Variants in GABRG3 observed in about 807,000 individuals in gnomAD.
The protein encoded by GABRG3 is gamma-aminobutyric acid receptor subunit gamma-3.
A neutral mutation model predicts 48.8 loss-of-function variants in GABRG3; 25 were observed. The observed-to-expected ratio is 0.51, with a 90% CI of 0.37 to 0.72. GABRG3 has a LOEUF of 0.72. Among genes scored for constraint, GABRG3 ranks in the 30% least tolerant of loss-of-function variants. The pLI is 0.00. For synonymous variants in GABRG3, 227 were observed against 217.6 expected, an observed-to-expected ratio of 1.04 and a Z score of -0.38; for missense variants, 394 against 577.9, an observed-to-expected ratio of 0.68 and a Z score of 3.26.
chr15:26,981,549 G>C (rs938348906), intron 2 of GABRG3, among the ~76,000 whole-genome samples: 2 of 152,126 alleles, frequency 1.3e-5, no homozygotes, highest in Non-Finnish European at 2.9e-5. Flanking sequence ...TTTCTGTCTA[G>C]TTTTCTATTG....
intron 5 of GABRG3, among the ~76,000 whole-genome samples, chr15:27,394,045 A>G (rs933451245): frequency 5.9e-5 from 9 of 152,194 alleles, no homozygotes; most frequent in South Asian, 2.1e-4. Context: ...TATTCTGCCA[A>G]TCTGTGCCTT....
intron 3 of GABRG3, among the ~76,000 whole-genome samples, chr15:27,318,922 G>A (rs1893325962): frequency 6.6e-6 from 1 of 152,144 alleles, no homozygotes; most frequent in African/African-American, 2.4e-5. Context: ...GTTGGTCAGT[G>A]GTCCAGACTT....
chr15:27,011,159 T>C (rs761186828), intron 2 of GABRG3, among the ~76,000 whole-genome samples: 9 of 152,120 alleles, frequency 5.9e-5, no homozygotes, highest in Non-Finnish European at 1.5e-5. Context: ...GAGCCACTGT[T>C]CCCGGGCAAA....
intron 3 of GABRG3, among the ~76,000 whole-genome samples, chr15:27,264,393 C>T (rs1890856063): frequency 1.3e-5 from 2 of 152,064 alleles, no homozygotes; most frequent in Admixed American, 1.3e-4. Flanking sequence ...ATTAGTTTAT[C>T]CCCTTATAAA....
At chr15:27,434,459 T>C (rs2140626085) in intron 5 of GABRG3, among the ~76,000 whole-genome samples, 1 of 152,288 alleles carries the variant, frequency 6.6e-6, no homozygotes, top group Admixed American at 6.5e-5. Context: ...TAGTATGTAG[T>C]GAACAGTGAA....
chr15:27,045,907 T>C (rs1023894818), intron 3 of GABRG3, among the ~76,000 whole-genome samples: 3 of 152,126 alleles, frequency 2.0e-5, no homozygotes, highest in African/African-American at 7.2e-5. Flanking sequence ...TCTAAATGCA[T>C]GGAGAAACAC....
intron 3 of GABRG3, among the ~76,000 whole-genome samples, chr15:27,195,617 G>A (rs1248668104): frequency 6.6e-6 from 1 of 151,810 alleles, no homozygotes; most frequent in East Asian, 1.9e-4. Context: ...ACCATGCCTG[G>A]CCATGTTTTT....
chr15:27,297,380 C>G (rs1039838189), intron 3 of GABRG3, among the ~76,000 whole-genome samples: 2 of 152,202 alleles, frequency 1.3e-5, no homozygotes, highest in Admixed American at 6.5e-5. Context: ...CATTCATTCA[C>G]TGACTCACCC....
At chr15:27,063,440 A>G (rs1362219412) in intron 3 of GABRG3, among the ~76,000 whole-genome samples, 2 of 152,188 alleles carry the variant, frequency 1.3e-5, no homozygotes, top group Non-Finnish European at 2.9e-5. Flanking sequence ...GGCTTGGGCC[A>G]TCCCCTTGCT....
intron 3 of GABRG3, among the ~76,000 whole-genome samples, chr15:27,210,839 A>G (rs557088669): frequency 6.6e-6 from 1 of 152,322 alleles, no homozygotes; most frequent in African/African-American, 2.4e-5. Flanking sequence ...TTTGCTTGAC[A>G]AGAGTTGTTA....
chr15:27,151,186 G>A (rs752644650), intron 3 of GABRG3, among the ~76,000 whole-genome samples: 3 of 152,064 alleles, frequency 2.0e-5, no homozygotes, highest in Non-Finnish European at 4.4e-5. Flanking sequence ...GATAGATCCT[G>A]TTCACTGCAG....
At chr15:27,056,178 A>G (rs1896542048) in intron 3 of GABRG3, among the ~76,000 whole-genome samples, 1 of 151,708 alleles carries the variant, frequency 6.6e-6, no homozygotes, top group Non-Finnish European at 1.5e-5. Flanking sequence ...GAGAAAACCC[A>G]TGTCTACAAA....
rs1897808637 is a variant in GABRG3 at position 27,125,729 on chromosome 15, G to A, written c.270+98908G>A. On this transcript the variant is annotated intron_variant, in intron 3 of 9. Coordinates refer to ENST00000615808, the MANE Select transcript of GABRG3 (RefSeq NM_033223.5). Reference sequence around the variant, plus strand: ...TTAGTATTCTTTGCGGGAGCGCTGTGTCCCTGAAAGGAAGAGTATCTCTCA... The same window carrying A: ...TTAGTATTCTTTGCGGGAGCGCTGTATCCCTGAAAGGAAGAGTATCTCTCA... Among the ~76,000 whole-genome samples the A allele has an allele frequency of 2.0e-5, 3 of 152,228 alleles. No homozygotes were observed. The South Asian group carries it at 6.2e-4, about 32-fold the overall frequency.
At chr15:27,183,902 C>CT (rs1291757860) in intron 3 of GABRG3, among the ~76,000 whole-genome samples, 22 of 152,354 alleles carry the variant, frequency 1.4e-4, no homozygotes, top group Admixed American at 1.3e-3. Flanking sequence ...CATCACCTCA[C>CT]ATTTATTCAT....
At chr15:27,224,769 G>C (rs138141457) in intron 3 of GABRG3, among the ~76,000 whole-genome samples, 38 of 152,360 alleles carry the variant, frequency 2.5e-4, no homozygotes, top group African/African-American at 9.1e-4. Context: ...CTTGCATGCT[G>C]TGCATATAGG....
chr15:27,174,111 G>A (rs570007963), intron 3 of GABRG3, among the ~76,000 whole-genome samples: 1 of 151,966 alleles, frequency 6.6e-6, no homozygotes, highest in South Asian at 2.1e-4. Flanking sequence ...AAAACGAATG[G>A]CAATGTTATT....
At chr15:27,139,656 G>A (rs1276266705) in intron 3 of GABRG3, among the ~76,000 whole-genome samples, 1 of 152,070 alleles carries the variant, frequency 6.6e-6, no homozygotes, top group Non-Finnish European at 1.5e-5. Flanking sequence ...AACATTATTT[G>A]TGATACTATA....
intron 2 of GABRG3, among the ~76,000 whole-genome samples, chr15:27,004,440 C>T (rs1370609620): frequency 2.6e-5 from 4 of 151,660 alleles, no homozygotes; most frequent in African/African-American, 9.7e-5. Flanking sequence ...GGCGGCCGGG[C>T]AGAGACGCTC....
intron 6 of GABRG3, among the ~76,000 whole-genome samples, chr15:27,484,094 C>T (rs1890163612): frequency 6.6e-6 from 1 of 152,120 alleles, no homozygotes; most frequent in Admixed American, 6.5e-5. Context: ...GCCACCACGC[C>T]TGGCTAATTT....
Sources: allele counts gnomAD v4.1 joint callset (sites outside exome capture counted in the v4.1 genomes callset), GRCh38; gene constraint gnomAD v4.1.1; transcripts MANE v1.5; gene names NCBI Gene and HGNC (gene_info 2026-07-23, HGNC 2026-07-21).